Variants in ZNF875 observed in about 807,000 individuals in gnomAD.
ZNF875 encodes zinc finger protein 875.
ZNF875 carries 14 observed loss-of-function variants against 11.2 expected under a neutral mutation model. The observed-to-expected ratio is 1.26, with a 90% CI of 0.83 to 1.96. The LOEUF is 1.96. ZNF875 is among the 30% of genes most tolerant of loss of function. The probability of loss-of-function intolerance (pLI) is 0.00; values close to 1 mark genes in which losing one functional copy is unlikely to be tolerated. For synonymous variants in ZNF875, 301 were observed against 281.1 expected (o/e 1.07, Z -0.71); for missense variants, 752 against 760.4 (o/e 0.99, Z 0.13).
At chr19:37,329,101 T>C (rs963608759) in intron 4 of ZNF875, 12 of 152,224 alleles carry the variant, frequency 7.9e-5, no homozygotes, top group African/African-American at 2.7e-4. Context: ...AGCTGCTGTA[T>C]TAGATGGTGT....
intron 1 of ZNF875, 154 bp downstream of exon 1, chr19:37,334,936 AT>A (rs66505733): frequency 0.2 from 91,345 of 468,118 alleles, 9,871 homozygotes; most frequent in South Asian, 0.28. Flanking sequence ...AGGGTTAGAG[AT>A]AAACCCTCAC....
rs181582434 is a variant in ZNF875, at chr19:37,323,571, G to A, written c.-661+1G>A. 1.1e-4 allele frequency: 16 copies of A among 152,278 alleles called. No homozygotes were observed. The highest frequency in any genetic ancestry group is 2.9e-4 in the African/African-American group (12 of 41,558). 9.4% of individuals were successfully genotyped at this position (152,278 alleles called of 1,614,324 possible). A position where few individuals can be genotyped will look rare whatever the true frequency, so the allele number is the denominator to read the frequency against. ...ACAAGTCTCTCTAGAGATTGAACAG[G>A]TAAGGCTCACCTTTCAATAGTTACA... On this transcript the variant is annotated splice_donor_variant, in intron 3 of 5. Transcript: ENST00000544914. LOFTEE classifies it low-confidence loss of function (5UTR_SPLICE).
At chr19:37,349,549 A>G (rs537620134) in intron 4 of ZNF875, among the ~76,000 whole-genome samples, 4 of 152,196 alleles carry the variant, frequency 2.6e-5, no homozygotes, top group South Asian at 4.1e-4. Context: ...AGCCTTTTCA[A>G]TTCTTTTGCT....
At chr19:37,343,300 G>A (rs781718046) in intron 2 of ZNF875, among the ~76,000 whole-genome samples, 12 of 149,748 alleles carry the variant, frequency 8.0e-5, no homozygotes, top group East Asian at 2.0e-4. Context: ...CCGAGACCAC[G>A]TCATTGCACT....
chr19:37,326,201 A>G (rs1439154745), intron 4 of ZNF875, among the ~76,000 whole-genome samples: 1 of 152,106 alleles, frequency 6.6e-6, no homozygotes, highest in African/African-American at 2.4e-5. Flanking sequence ...CACTTACAGC[A>G]TTTCTCAGGT....
intron 4 of ZNF875, among the ~76,000 whole-genome samples, chr19:37,357,016 G>A (rs943363930): frequency 5.3e-5 from 8 of 152,104 alleles, no homozygotes; most frequent in African/African-American, 1.9e-4. Context: ...AGGGGGAAGG[G>A]TCCAGTTTCA....
At chr19:37,313,720 T>C (rs1568552212), upstream of ZNF875, among the ~76,000 whole-genome samples, 1 of 148,250 alleles carries the variant, frequency 6.7e-6, no homozygotes, top group Non-Finnish European at 1.5e-5. Flanking sequence ...CATGGGAGAC[T>C]GTGTTGACCA....
chr19:37,325,021 G>C, intron 4 of ZNF875: 1 of 152,292 alleles, frequency 6.6e-6, no homozygotes, highest in Non-Finnish European at 1.5e-5. Context: ...CTCGTGATCT[G>C]CCCACCTCAG....
rs531788981 is a variant in ZNF875 at position 37,362,950 on chromosome 19, T to C, written c.1098T>C (p.Tyr366=). 1.9e-6 allele frequency: 3 copies of C among 1,614,144 alleles called. No homozygotes were observed. The highest frequency in any genetic ancestry group is 2.2e-5 in the East Asian group (1 of 44,872). The change falls in exon 5 of 5, where the codon TAT becomes TAC. Residue 366 remains tyrosine, a synonymous_variant. Coordinates refer to ENST00000392153, the MANE Select transcript of ZNF875 (RefSeq NM_001353803.2). The part of the protein sequence containing the change: ...HQRAHTGEKP[Y]VCRECGRGFR... ...GGGCGCACACTGGGGAGAAGCCTTATGTTTGCAGGGAATGTGGGCGTGGCT... is the reference window on the plus strand; with the variant it reads ...GGGCGCACACTGGGGAGAAGCCTTACGTTTGCAGGGAATGTGGGCGTGGCT...
Position 37,363,298 on chromosome 19 carries a change from G to A in ZNF875, c.1446G>A (p.Glu482=). The stretch of plus-strand genomic sequence containing the variant: ...GGGAGAAGCCATTTGTATGTACGGA[G>A]TGTGGGCGAGGCTTTACCCGGAAAT... ...HTGEKPFVCT[E]CGRGFTRKST... is the part of the protein sequence containing the mutation. The change falls in exon 5 of 5, where the codon GAG becomes GAA. Residue 482 remains glutamate (E), a synonymous_variant. Transcript: ENST00000392153. 6.2e-7 allele frequency: 1 copy of A among 1,609,286 alleles called. No individual in the cohort carries two copies. The highest frequency in any genetic ancestry group is 8.5e-7 in the Non-Finnish European group (1 of 1,177,362).
chr19:37,325,404 G>A (rs1322234325), intron 4 of ZNF875, among the ~76,000 whole-genome samples: 4 of 152,178 alleles, frequency 2.6e-5, no homozygotes, highest in South Asian at 4.1e-4. Flanking sequence ...AGACACATAC[G>A]TCATTTTAGA....
chr19:37,320,354 A>G (rs1028669181), intron 1 of ZNF875, among the ~76,000 whole-genome samples: 1 of 152,172 alleles, frequency 6.6e-6, no homozygotes, highest in Admixed American at 6.5e-5. Flanking sequence ...AGCAGTTTTT[A>G]TGTCATCTGA....
At chr19:37,327,215 A>G (rs2032615739) in intron 4 of ZNF875, among the ~76,000 whole-genome samples, 1 of 150,150 alleles carries the variant, frequency 6.7e-6, no homozygotes, top group African/African-American at 2.5e-5. Flanking sequence ...CTGGTTTTGA[A>G]CTCCTGACCT....
At chr19:37,330,442 TTCCTC>T (rs1599913846), upstream of ZNF875, among the ~76,000 whole-genome samples, 1 of 152,214 alleles carries the variant, frequency 6.6e-6, no homozygotes, top group Non-Finnish European at 1.5e-5. Context: ...TGCACCCACT[TTCCTC>T]TCAGGGACTG....
chr19:37,320,834 A>T (rs1451311411), intron 1 of ZNF875, among the ~76,000 whole-genome samples: 2 of 152,208 alleles, frequency 1.3e-5, no homozygotes, highest in Non-Finnish European at 2.9e-5. Flanking sequence ...GTTTGTGTAG[A>T]AAGAAGTAGA....
Position 37,363,830 on chromosome 19 carries a change from A to T in ZNF875, c.*55A>T, listed in dbSNP as rs750646776. 46 of 1,449,084 alleles carry T rather than the reference A, an allele frequency of 3.2e-5. No homozygotes were observed. Among genetic ancestry groups the T allele is most frequent in the Admixed American group, 3.6e-5 (2 of 55,834 alleles). The allele number at this position is 1,449,084 out of a possible 1,614,324, so 89.8% of individuals were successfully genotyped here. A position where few individuals can be genotyped will look rare whatever the true frequency, so the allele number is the denominator to read the frequency against. On this transcript the variant is annotated 3_prime_UTR_variant, in exon 5 of 5. Coordinates refer to ENST00000392153, the MANE Select transcript of ZNF875 (RefSeq NM_001353803.2). ...AGCCTTTAGCCAGGAGTCATACTTC[A>T]TCAGACACCAGAGGACACACACAGT...
chr19:37,338,069 A>G (rs956187356), intron 2 of ZNF875, among the ~76,000 whole-genome samples: 6 of 152,224 alleles, frequency 3.9e-5, no homozygotes, highest in Non-Finnish European at 7.3e-5. Flanking sequence ...CCAGGAATAC[A>G]TAAGAAATCC....
intron 4 of ZNF875, among the ~76,000 whole-genome samples, chr19:37,357,115 G>A (rs4803347): frequency 0.28 from 41,855 of 151,948 alleles, 7,251 homozygotes; most frequent in African/African-American, 0.48. Flanking sequence ...CAGCTTTCTC[G>A]TAGATCAGTT....
At position 37,344,845 on chromosome 19, in the gene ZNF875, G is replaced by A. The variant is rs547557353; in HGVS notation, c.34-2345G>A. 140 of 960,598 alleles carry A rather than the reference G, an allele frequency of 1.5e-4. 3 individuals are homozygous for A. The South Asian group carries it at 1.6e-3, about 11-fold the overall frequency. 59.5% of individuals were successfully genotyped at this position (960,598 alleles called of 1,614,324 possible). A position where few individuals can be genotyped will look rare whatever the true frequency, so the allele number is the denominator to read the frequency against. Reference sequence around the variant, plus strand: ...GCTCCTTCGTGGGAGATTTTCAAGGGGTGTATGTGTGTATGTTCTGAGAAG... The same window carrying A: ...GCTCCTTCGTGGGAGATTTTCAAGGAGTGTATGTGTGTATGTTCTGAGAAG... On this transcript the variant is annotated intron_variant, in intron 2 of 4. Coordinates refer to ENST00000392153, the MANE Select transcript of ZNF875 (RefSeq NM_001353803.2).
Sources: gnomAD v4.1 joint callset for allele counts (sites outside exome capture counted in the v4.1 genomes callset) on GRCh38, gnomAD v4.1.1 for gene constraint, MANE v1.5 for transcripts, NCBI Gene and HGNC (gene_info 2026-07-23, HGNC 2026-07-21) for gene names.